Variants in SH3RF3 observed in about 807,000 individuals in gnomAD.
The protein encoded by SH3RF3 is SH3 domain containing ring finger 3.
Under a neutral mutation model 66.3 loss-of-function variants are expected in SH3RF3, and 29 were observed. That is an observed-to-expected ratio of 0.44 (90% confidence interval 0.33 to 0.60). The LOEUF is 0.60. Among genes scored for constraint, SH3RF3 ranks in the 20% least tolerant of loss-of-function variants. The pLI, the probability that SH3RF3 is intolerant of heterozygous loss-of-function variation, is 0.04. For synonymous variants in SH3RF3, 583 were observed against 532.0 expected, an observed-to-expected ratio of 1.10 and a Z score of -1.32; for missense variants, 1,194 against 1,190.9, an observed-to-expected ratio of 1.00 and a Z score of -0.04.
At chr2:109,416,923 AAGAATT>A (rs1230216551) in intron 4 of SH3RF3, among the ~76,000 whole-genome samples, 4 of 151,172 alleles carry the variant, frequency 2.6e-5, no homozygotes, top group African/African-American at 9.8e-5. Context: ...AAAAAAAAAA[AAGAATT>A]GTATGTCCAG....
At chr2:109,227,533 T>C (rs1299832051) in intron 1 of SH3RF3, among the ~76,000 whole-genome samples, 1 of 152,236 alleles carries the variant, frequency 6.6e-6, no homozygotes, top group Non-Finnish European at 1.5e-5. Context: ...CTCCCGGGTC[T>C]GCCTGGGCCC....
intron 1 of SH3RF3, among the ~76,000 whole-genome samples, chr2:109,187,333 T>C (rs1477132512): frequency 6.7e-6 from 1 of 150,034 alleles, no homozygotes; most frequent in Non-Finnish European, 1.5e-5. Flanking sequence ...AAAGCTCTTT[T>C]CTCCAGAGTG....
chr2:109,500,685 A>G (rs931772711), intron 9 of SH3RF3, among the ~76,000 whole-genome samples: 4 of 152,210 alleles, frequency 2.6e-5, no homozygotes, highest in Non-Finnish European at 5.9e-5. Context: ...ACGGTGGCTC[A>G]TGCTCGTAAT....
intron 8 of SH3RF3, among the ~76,000 whole-genome samples, chr2:109,462,871 C>T (rs1329167177): frequency 2.0e-5 from 3 of 152,218 alleles, no homozygotes; most frequent in African/African-American, 7.2e-5. Context: ...ACTGGCAGAC[C>T]ATAGTGACAT....
At chr2:109,232,990 T>C (rs909611396) in intron 1 of SH3RF3, among the ~76,000 whole-genome samples, 1 of 152,046 alleles carries the variant, frequency 6.6e-6, no homozygotes, top group Non-Finnish European at 1.5e-5. Flanking sequence ...GTGGCTTGCT[T>C]ACTTGGCCAC....
chr2:109,139,777 G>A (rs1209436767), intron 1 of SH3RF3, among the ~76,000 whole-genome samples: 1 of 152,184 alleles, frequency 6.6e-6, no homozygotes, highest in Non-Finnish European at 1.5e-5. Flanking sequence ...ATTGAACAAT[G>A]GAGTTTAAGA....
In SH3RF3 at chr2:109,271,357, A is replaced by G. The variant is rs556770960; in HGVS notation, c.574-76317A>G. On this transcript the variant is annotated intron_variant, in intron 1 of 9. Transcript: ENST00000309415. ...CTCCTCCCAGGAGGAACCTAGAGGG[A>G]TGTGCAAAGAAAATCTCAACCCAAA... 2.6e-5 allele frequency among the ~76,000 whole-genome samples: 4 copies of G among 152,314 alleles called. No homozygotes were observed. In the East Asian group the frequency reaches 7.7e-4, roughly 29 times the overall value.
At chr2:109,236,303 C>T (rs1017018030) in intron 1 of SH3RF3, among the ~76,000 whole-genome samples, 1 of 152,118 alleles carries the variant, frequency 6.6e-6, no homozygotes, top group Non-Finnish European at 1.5e-5. Flanking sequence ...CATGCAGTGT[C>T]GGGGCAGGGG....
intron 6 of SH3RF3, among the ~76,000 whole-genome samples, chr2:109,436,665 G>T (rs938805624): frequency 2.6e-5 from 4 of 152,210 alleles, no homozygotes; most frequent in African/African-American, 9.6e-5. Flanking sequence ...TTCTCAGGGC[G>T]GCTTTGCTAT....
intron 1 of SH3RF3, among the ~76,000 whole-genome samples, chr2:109,170,317 C>T (rs1553479527): frequency 7.9e-6 from 1 of 126,990 alleles, no homozygotes; most frequent in African/African-American, 3.0e-5. Context: ...CTCTTCTCTC[C>T]TCTCTCTCTC....
chr2:109,216,619 T>G (rs1015898827), intron 1 of SH3RF3, among the ~76,000 whole-genome samples: 1 of 152,188 alleles, frequency 6.6e-6, no homozygotes, highest in Non-Finnish European at 1.5e-5. Context: ...CCAGCCATGC[T>G]CTGTAGGCTG....
chr2:109,449,249 C>T lies in SH3RF3; in HGVS notation c.1908C>T (p.Arg636=). Residue 636 remains arginine, a synonymous_variant, in exon 8 of 10, where the codon CGC becomes CGT. Coordinates refer to ENST00000309415, the MANE Select transcript of SH3RF3 (RefSeq NM_001099289.3). Reference sequence around the variant, plus strand: ...TGCGCACCCAGAACTCTCCATCCCGCCTGCCTGCCACCAGCCTCAGGCCCC... The same window carrying T: ...TGCGCACCCAGAACTCTCCATCCCGTCTGCCTGCCACCAGCCTCAGGCCCC... ...SPLRTQNSPS[R]LPATSLRPHS... 1.2e-6 allele frequency: 2 copies of T among 1,612,822 alleles called. No individual in the cohort carries two copies. Among genetic ancestry groups the T allele is most frequent in the Non-Finnish European group, 1.7e-6 (2 of 1,179,532 alleles).
intron 1 of SH3RF3, among the ~76,000 whole-genome samples, chr2:109,322,886 G>A (rs1682059516): frequency 6.6e-6 from 1 of 152,210 alleles, no homozygotes; most frequent in Non-Finnish European, 1.5e-5. Flanking sequence ...CACAAACCTT[G>A]TAATGTTAAG....
At chr2:109,336,637 ATTTG>A (rs920129024) in intron 1 of SH3RF3, among the ~76,000 whole-genome samples, 1 of 152,214 alleles carries the variant, frequency 6.6e-6, no homozygotes, top group African/African-American at 2.4e-5. Context: ...CCAGGAGAGC[ATTTG>A]TTTGTTTCTC....
intron 8 of SH3RF3, among the ~76,000 whole-genome samples, chr2:109,475,369 C>T (rs1394886879): frequency 6.6e-6 from 1 of 152,242 alleles, no homozygotes; most frequent in African/African-American, 2.4e-5. Context: ...CCAAAGCAAA[C>T]CCACGCAAAG....
intron 1 of SH3RF3, among the ~76,000 whole-genome samples, chr2:109,346,325 G>A (rs1682696198): frequency 6.6e-6 from 1 of 152,160 alleles, no homozygotes; most frequent in South Asian, 2.1e-4. Flanking sequence ...AATGTAGAAT[G>A]ATTGAGTTGC....
At chr2:109,183,720 C>T (rs898084932) in intron 1 of SH3RF3, among the ~76,000 whole-genome samples, 6 of 152,356 alleles carry the variant, frequency 3.9e-5, no homozygotes, top group Non-Finnish European at 7.3e-5. Context: ...CAGCACTTTC[C>T]TACATGGAGC....
At chr2:109,186,444 T>A (rs1345454632) in intron 1 of SH3RF3, among the ~76,000 whole-genome samples, 1 of 152,230 alleles carries the variant, frequency 6.6e-6, no homozygotes, top group Non-Finnish European at 1.5e-5. Context: ...GTGCAAACAC[T>A]TCACCGCCGT....
At chr2:109,202,862 C>A (rs1418434749) in intron 1 of SH3RF3, among the ~76,000 whole-genome samples, 2 of 152,222 alleles carry the variant, frequency 1.3e-5, no homozygotes, top group Admixed American at 1.3e-4. Flanking sequence ...AATTTATGGA[C>A]TGAACAACTG....
Sources: allele counts gnomAD v4.1 joint callset (sites outside exome capture counted in the v4.1 genomes callset), GRCh38; gene constraint gnomAD v4.1.1; transcripts MANE v1.5; gene names NCBI Gene and HGNC (gene_info 2026-07-23, HGNC 2026-07-21).